DPYSL2: variants seen among roughly 807,000 people sequenced by gnomAD.
DPYSL2 encodes dihydropyrimidinase like 2, also known as dihydropyrimidinase-related protein 2.
A neutral mutation model predicts 69.9 loss-of-function variants in DPYSL2; 13 were observed. The ratio of observed to expected loss-of-function variants is 0.19; its 90% CI spans 0.12 to 0.30. The LOEUF (loss-of-function observed/expected upper bound fraction) is 0.30, where lower values mean the gene tolerates loss of function less well. Ranked by LOEUF, DPYSL2 falls within the 10% of genes least tolerant of loss-of-function variation. The pLI, the probability that DPYSL2 is intolerant of heterozygous loss-of-function variation, is 1.00. For missense variants in DPYSL2, 587 were observed against 918.9 expected (o/e 0.64, Z 4.67); for synonymous variants, 326 against 359.1 (o/e 0.91, Z 1.04).
At chr8:26,578,502 A>G (rs1801411139) in intron 1 of DPYSL2, 1 of 1,431,532 alleles carries the variant, frequency 7.0e-7, no homozygotes, top group South Asian at 1.5e-5. Flanking sequence ...AAGGCATTAA[A>G]CAGGAGCGCG....
In DPYSL2 at chr8:26,614,836, T is replaced by G. The variant is rs1189125324; in HGVS notation, c.629-9307T>G. ...TTCCATATGCCTGCCACCCTTAGGC[T>G]AAGGACACGGTTTTCCTATCTGTTT... is the stretch of plus-strand genomic sequence containing the variant. On this transcript the variant is annotated intron_variant, in intron 3 of 13. Coordinates refer to ENST00000521913, the MANE Select transcript of DPYSL2 (RefSeq NM_001197293.3). The surrounding 1 kb of genome is among the most constrained non-coding windows in gnomAD (Gnocchi z 4.9). Among the ~76,000 whole-genome samples the G allele has an allele frequency of 1.3e-5, 2 of 152,262 alleles. No homozygotes were observed. The highest frequency in any genetic ancestry group is 2.4e-5 in the African/African-American group (1 of 41,478).
chr8:26,539,610 G>A (rs1337534589), intron 1 of DPYSL2, among the ~76,000 whole-genome samples: 2 of 152,106 alleles, frequency 1.3e-5, no homozygotes, highest in Non-Finnish European at 2.9e-5. Flanking sequence ...TGTGATCTTA[G>A]CTCACTGCAA....
rs1320702995 is a variant in DPYSL2, at chr8:26,647,018, G to C, written c.1426-612G>C. On this transcript the variant is annotated intron_variant, in intron 10 of 13. Transcript: ENST00000521913. This position sits in a 1 kb window ranked among gnomAD's most constrained non-coding sequence, Gnocchi z 5.1. ...AAAAAAAAAAAGGAAGCCTAGATCT[G>C]TGGCTGTATTTTGTTGAAAAGGACA... 6.6e-6 allele frequency among the ~76,000 whole-genome samples: 1 copy of C among 151,934 alleles called. No individual in the cohort carries two copies. Among genetic ancestry groups the C allele is most frequent in the East Asian group, 1.9e-4 (1 of 5,184 alleles).
Position 26,598,386 on chromosome 8 carries a change from A to G in DPYSL2, c.628+14403A>G, listed in dbSNP as rs1392385338. Among the ~76,000 whole-genome samples, 1 of 152,108 alleles carries G rather than the reference A, an allele frequency of 6.6e-6. No homozygotes were observed. Among genetic ancestry groups the G allele is most frequent in the East Asian group, 1.9e-4 (1 of 5,188 alleles). On this transcript the variant is annotated intron_variant, in intron 3 of 13. Transcript: ENST00000521913. The surrounding 1 kb of genome is among the most constrained non-coding windows in gnomAD (Gnocchi z 4.2). ...AGAGCTCCTCCTCTCCATCTCCTGA[A>G]TTTCTTTTCTTGCTAAGCCTATTCA...
chr8:26,591,899 A>G lies in DPYSL2; in HGVS notation c.628+7916A>G, dbSNP rs113837740. 3.4e-4 allele frequency among the ~76,000 whole-genome samples: 52 copies of G among 152,296 alleles called. No individual in the cohort carries two copies. The highest frequency in any genetic ancestry group is 1.2e-3 in the African/African-American group (48 of 41,564). The stretch of plus-strand genomic sequence containing the variant: ...CTTGCAATGCGATTGGTCCTGGTGT[A>G]GCCTCCGTGTTGAGTTGTAGGGGAA... On this transcript the variant is annotated intron_variant, in intron 3 of 13. Coordinates refer to ENST00000521913, the MANE Select transcript of DPYSL2 (RefSeq NM_001197293.3). The surrounding 1 kb of genome is among the most constrained non-coding windows in gnomAD (Gnocchi z 5.8).
intron 1 of DPYSL2, among the ~76,000 whole-genome samples, chr8:26,566,052 T>C (rs772474114): frequency 1.6e-4 from 25 of 152,232 alleles, no homozygotes; most frequent in Non-Finnish European, 1.9e-4. Flanking sequence ...GCTAGTGGCC[T>C]CTGCTACATC....
intron 1 of DPYSL2, among the ~76,000 whole-genome samples, chr8:26,518,775 GA>G (rs1317270288): frequency 1.3e-5 from 2 of 152,198 alleles, no homozygotes; most frequent in African/African-American, 4.8e-5. Context: ...ACATGTGACA[GA>G]ATTTCCTTCC....
intron 3 of DPYSL2, among the ~76,000 whole-genome samples, chr8:26,601,074 A>T (rs1455223742): frequency 6.6e-6 from 1 of 152,196 alleles, no homozygotes; most frequent in Non-Finnish European, 1.5e-5. Flanking sequence ...CCTGCCGCTG[A>T]TGGAGATTCC....
intron 3 of DPYSL2, among the ~76,000 whole-genome samples, chr8:26,584,715 G>A (rs1263464889): frequency 6.7e-6 from 1 of 149,186 alleles, no homozygotes; most frequent in African/African-American, 2.5e-5. Flanking sequence ...TGCCTCCCCG[G>A]TTCAAGTGAT....
In DPYSL2 at chr8:26,627,525, C is replaced by A. The variant is rs766803727; in HGVS notation, c.936+230C>A. 3.2e-4 allele frequency among the ~76,000 whole-genome samples: 48 copies of A among 152,104 alleles called. No homozygotes were observed. The highest frequency in any genetic ancestry group is 5.7e-4 in the Non-Finnish European group (39 of 68,036). On this transcript the variant is annotated intron_variant, in intron 6 of 13. Transcript: ENST00000521913. The surrounding 1 kb of genome is among the most constrained non-coding windows in gnomAD (Gnocchi z 6.9). ...AGTCAGTTACTATTGCAGAGAGAGGCCATTTCTCTCGGTGCTGTAACGCAG... is the reference window on the plus strand; with the variant it reads ...AGTCAGTTACTATTGCAGAGAGAGGACATTTCTCTCGGTGCTGTAACGCAG...
At chr8:26,589,833 A>G (rs746689369) in intron 3 of DPYSL2, among the ~76,000 whole-genome samples, 2 of 152,220 alleles carry the variant, frequency 1.3e-5, no homozygotes, top group African/African-American at 2.4e-5. Context: ...GGGTCACAAC[A>G]TGGAGAAATC....
chr8:26,605,198 C>T lies in DPYSL2; in HGVS notation c.629-18945C>T, dbSNP rs1038314170. ...ATATTGCTCCCTGATGAGGGAGGGG[C>T]CAGAATACATGTTATCACTACTGTT... On this transcript the variant is annotated intron_variant, in intron 3 of 13. Coordinates refer to ENST00000521913, the MANE Select transcript of DPYSL2 (RefSeq NM_001197293.3). The surrounding 1 kb of genome is among the most constrained non-coding windows in gnomAD (Gnocchi z 4.1). Among the ~76,000 whole-genome samples the T allele has an allele frequency of 9.2e-5, 14 of 151,824 alleles. No individual in the cohort carries two copies. The highest frequency in any genetic ancestry group is 2.9e-4 in the African/African-American group (12 of 41,282).
In DPYSL2 at chr8:26,580,759, T is replaced by C. The variant is rs1391638112; in HGVS notation, c.355-1210T>C. Among the ~76,000 whole-genome samples, 2 of 152,252 alleles carry C rather than the reference T, an allele frequency of 1.3e-5. No homozygotes were observed. The highest frequency in any genetic ancestry group is 1.5e-5 in the Non-Finnish European group (1 of 68,050). On this transcript the variant is annotated intron_variant, in intron 1 of 13. Transcript: ENST00000521913. The surrounding 1 kb of genome is among the most constrained non-coding windows in gnomAD (Gnocchi z 4.1). ...TGAGTTAACTATTGCCAAAAGAATG[T>C]CATTCTTTGAAATGTGTTGCATATT...
At chr8:26,577,248 C>G (rs1801370941) in intron 1 of DPYSL2, 1 of 398,386 alleles carries the variant, frequency 2.5e-6, no homozygotes, top group Non-Finnish European at 4.9e-6. Context: ...CCCCAGGAGC[C>G]GGGCCCGGAC....
In DPYSL2 at chr8:26,607,019, A is replaced by C. The variant is rs184460813; in HGVS notation, c.629-17124A>C. On this transcript the variant is annotated intron_variant, in intron 3 of 13. Coordinates refer to ENST00000521913, the MANE Select transcript of DPYSL2 (RefSeq NM_001197293.3). ...GAGCTGTAAAAATGTGTAAACAAAA[A>C]AATTCATACGCCTTGACCTAGAGTA... Among the ~76,000 whole-genome samples, 263 of 152,318 alleles carry C rather than the reference A, an allele frequency of 1.7e-3. 1 individual carries two copies. Among genetic ancestry groups the C allele is most frequent in the African/African-American group, 5.6e-3 (234 of 41,564 alleles).
intron 3 of DPYSL2, among the ~76,000 whole-genome samples, chr8:26,604,520 G>C (rs1386271583): frequency 6.6e-6 from 1 of 152,194 alleles, no homozygotes; most frequent in Non-Finnish European, 1.5e-5. Flanking sequence ...TCTTGAGAGA[G>C]GCTGAGGAAG....
intron 1 of DPYSL2, among the ~76,000 whole-genome samples, chr8:26,568,928 GA>G (rs35474079): frequency 0.1 from 15,698 of 152,158 alleles, 900 homozygotes; most frequent in Non-Finnish European, 0.12. Context: ...TGAGCTTTGT[GA>G]ATGTGAGGCT....
At chr8:26,629,255 G>A (rs1802683798) in intron 7 of DPYSL2, among the ~76,000 whole-genome samples, 1 of 151,924 alleles carries the variant, frequency 6.6e-6, no homozygotes. Flanking sequence ...CATACACATA[G>A]TAACACACAC....
intron 3 of DPYSL2, among the ~76,000 whole-genome samples, chr8:26,613,709 C>CTGAAGGTCTGAGCAGTGAAGAACATGTTT: frequency 6.6e-6 from 1 of 152,124 alleles, no homozygotes; most frequent in African/African-American, 2.4e-5. Flanking sequence ...GATCAGGAGC[C>CTGAAGGTCTGAGCAGTGAAGAACATGTTT]CCATGCCTGC....
Sources: allele counts gnomAD v4.1 joint callset (sites outside exome capture counted in the v4.1 genomes callset), GRCh38; gene constraint gnomAD v4.1.1; non-coding constraint Gnocchi (gnomAD v3.1); transcripts MANE v1.5; gene names NCBI Gene and HGNC (gene_info 2026-07-23, HGNC 2026-07-21).